The following CNTNAP5 variants were observed in gnomAD, a reference collection of about 807,000 sequenced individuals.
CNTNAP5 encodes the protein contactin-associated protein-like 5.
A neutral mutation model predicts 150.2 loss-of-function variants in CNTNAP5; 72 were observed. That is an observed-to-expected ratio of 0.48 (90% CI 0.40 to 0.58). The LOEUF (loss-of-function observed/expected upper bound fraction) is 0.58, where lower values mean the gene tolerates loss of function less well. Ranked by LOEUF, CNTNAP5 falls within the 20% of genes least tolerant of loss-of-function variation. The pLI is 0.00. For synonymous variants in CNTNAP5, 672 were observed against 619.8 expected (o/e 1.08, Z -1.25); for missense variants, 1,636 against 1,626.2 (o/e 1.01, Z -0.10).
intron 12 of CNTNAP5, among the ~76,000 whole-genome samples, chr2:124,638,241 A>ACATATATATG (rs1180729631): frequency 7.5e-6 from 1 of 133,492 alleles, no homozygotes; most frequent in Non-Finnish European, 1.8e-5. Flanking sequence ...ATATATATGT[A>ACATATATATG]ACTTCTCTCA....
At chr2:124,848,306 T>C (rs995289755) in intron 19 of CNTNAP5, among the ~76,000 whole-genome samples, 2 of 152,190 alleles carry the variant, frequency 1.3e-5, no homozygotes, top group Non-Finnish European at 2.9e-5. Context: ...TATTTCACTT[T>C]GCATTATGTC....
chr2:124,201,067 G>T (rs955989169), intron 1 of CNTNAP5, among the ~76,000 whole-genome samples: 1 of 152,128 alleles, frequency 6.6e-6, no homozygotes, highest in South Asian at 2.1e-4. Context: ...CCCATCACAA[G>T]TGCTAAGAGT....
chr2:124,455,140 A>G (rs1693091170), intron 6 of CNTNAP5, among the ~76,000 whole-genome samples: 2 of 152,170 alleles, frequency 1.3e-5, no homozygotes, highest in South Asian at 4.1e-4. Context: ...AATAAAATTT[A>G]TAGACCATTA....
At chr2:124,727,389 A>C (rs1441557301) in intron 13 of CNTNAP5, among the ~76,000 whole-genome samples, 1 of 151,952 alleles carries the variant, frequency 6.6e-6, no homozygotes, top group Non-Finnish European at 1.5e-5. Flanking sequence ...TATGATAATG[A>C]TTGCATTGAA....
chr2:124,707,315 T>C (rs1310533988), intron 13 of CNTNAP5, among the ~76,000 whole-genome samples: 3 of 152,164 alleles, frequency 2.0e-5, no homozygotes, highest in African/African-American at 7.2e-5. Flanking sequence ...AGATGAGGCA[T>C]GGACTTTGAT....
rs188703397 is a variant in CNTNAP5, at chr2:124,362,501, C to T, written c.382-54942C>T. 1.2e-3 allele frequency among the ~76,000 whole-genome samples: 181 copies of T among 152,314 alleles called. No individual in the cohort carries two copies. The Middle Eastern group carries it at 0.027, about 23-fold the overall frequency. On this transcript the variant is annotated intron_variant, in intron 3 of 23. Transcript: ENST00000682447. The stretch of plus-strand genomic sequence containing the variant: ...TTTTTATATTACTATCATTTTAAAA[C>T]CTAGACTCCTACCTTTATTTTTTAA...
intron 13 of CNTNAP5, among the ~76,000 whole-genome samples, chr2:124,743,377 C>T (rs1231892969): frequency 6.6e-6 from 1 of 152,100 alleles, no homozygotes; most frequent in African/African-American, 2.4e-5. Context: ...ATTTAAATCC[C>T]GAATCTCGTT....
At position 124,764,013 on chromosome 2, in the gene CNTNAP5, C is replaced by T. The variant is rs752594953; in HGVS notation, c.2399C>T (p.Ala800Val). The stretch of plus-strand genomic sequence containing the variant: ...AACGCCGTCTCATTTTATACAGAAG[C>T]CTCTTACCTCCACTTTCCTACCTTC... ...FWNAVSFYTEASYLHFPTFHA... is the reference protein window; with the variant it reads ...FWNAVSFYTEVSYLHFPTFHA... The change falls in exon 16 of 24, where the codon GCC becomes GTC. Residue 800 changes from alanine to valine, a missense_variant. Transcript: ENST00000682447. 11 of 1,613,148 alleles carry T rather than the reference C, an allele frequency of 6.8e-6. No homozygotes were observed.
intron 3 of CNTNAP5, among the ~76,000 whole-genome samples, chr2:124,340,889 T>C (rs988692013): frequency 1.4e-5 from 2 of 145,406 alleles, no homozygotes; most frequent in African/African-American, 2.5e-5. Flanking sequence ...TATATATACA[T>C]ATATATATAT....
chr2:124,886,380 T>A (rs1179843806), intron 21 of CNTNAP5, among the ~76,000 whole-genome samples: 1 of 152,062 alleles, frequency 6.6e-6, no homozygotes, highest in Non-Finnish European at 1.5e-5. Context: ...GCAGCTGCCT[T>A]ACATCTCTTG....
intron 12 of CNTNAP5, among the ~76,000 whole-genome samples, chr2:124,614,534 G>A (rs1306043942): frequency 6.6e-6 from 1 of 152,174 alleles, no homozygotes. Context: ...GTGGTGGGCA[G>A]TTCCCAGGAC....
At chr2:124,142,341 T>C (rs1229544417) in intron 1 of CNTNAP5, among the ~76,000 whole-genome samples, 5 of 148,250 alleles carry the variant, frequency 3.4e-5, no homozygotes, top group African/African-American at 1.3e-4. Context: ...ATATACATTT[T>C]TTTCAGCACC....
chr2:124,698,708 T>C (rs1385164278), intron 13 of CNTNAP5, among the ~76,000 whole-genome samples: 1 of 152,126 alleles, frequency 6.6e-6, no homozygotes, highest in Non-Finnish European at 1.5e-5. Context: ...TTTCCACTGC[T>C]GACTCCTGAG....
chr2:124,700,999 T>C (rs1679509415), intron 13 of CNTNAP5, among the ~76,000 whole-genome samples: 1 of 152,040 alleles, frequency 6.6e-6, no homozygotes, highest in African/African-American at 2.4e-5. Context: ...TTTTTTTTGT[T>C]TGTTTTTGTG....
At chr2:124,817,315 G>GACAA (rs1471683711) in intron 19 of CNTNAP5, among the ~76,000 whole-genome samples, 1 of 152,096 alleles carries the variant, frequency 6.6e-6, no homozygotes, top group Non-Finnish European at 1.5e-5. Context: ...TCCTAAAGTA[G>GACAA]ATGCATTCCA....
At chr2:124,828,659 G>A (rs1447932667) in intron 19 of CNTNAP5, among the ~76,000 whole-genome samples, 1 of 125,868 alleles carries the variant, frequency 7.9e-6, no homozygotes, top group Non-Finnish European at 1.6e-5. Context: ...TTCTCTATAA[G>A]TATAAGGCAA....
Position 124,524,306 on chromosome 2 carries a change from G to A in CNTNAP5, c.1331G>A (p.Ser444Asn). Residue 444 changes from serine (S) to asparagine (N), a missense_variant, in exon 9 of 24, where the codon AGC becomes AAC. Ser to Asn is a conservative substitution (Grantham distance 46). Transcript: ENST00000682447. The stretch of plus-strand genomic sequence containing the variant: ...TACTCTCTTGTTTCTCTTGCAGGCA[G>A]CAACTTGAATGATGGCCTGTGGCAC... ...TERVAEILTG[S>N]NLNDGLWHSV... 1 of 1,613,714 alleles carries A rather than the reference G, an allele frequency of 6.2e-7. No homozygotes were observed. The highest frequency in any genetic ancestry group is 1.1e-5 in the South Asian group (1 of 91,076).
chr2:124,039,248 C>T (rs1681303712), intron 1 of CNTNAP5, among the ~76,000 whole-genome samples: 2 of 152,150 alleles, frequency 1.3e-5, no homozygotes, highest in African/African-American at 4.8e-5. Flanking sequence ...CAGGCATTCC[C>T]TTGGGACCTC....
At chr2:124,281,094 A>G (rs549336017) in intron 3 of CNTNAP5, among the ~76,000 whole-genome samples, 2 of 152,304 alleles carry the variant, frequency 1.3e-5, no homozygotes, top group East Asian at 3.9e-4. Flanking sequence ...AACTCCTGTA[A>G]CACTCCAGCA....
Sources: gnomAD v4.1 joint callset for allele counts (sites outside exome capture counted in the v4.1 genomes callset) on GRCh38, gnomAD v4.1.1 for gene constraint, MANE v1.5 for transcripts, NCBI Gene and HGNC (gene_info 2026-07-23, HGNC 2026-07-21) for gene names.